GNG12: variants seen among roughly 807,000 people sequenced by gnomAD.
The protein encoded by GNG12 is guanine nucleotide-binding protein G(I)/G(S)/G(O) subunit gamma-12.
For synonymous variants in GNG12, 28 were observed against 29.7 expected (o/e 0.94, Z 0.19); for missense variants, 69 against 83.8 (o/e 0.82, Z 0.69).
At position 67,708,285 on chromosome 1, in the gene GNG12, TA is replaced by T. The variant is rs542666314; in HGVS notation, c.-26-574del. 1.6e-3 allele frequency among the ~76,000 whole-genome samples: 237 copies of T among 152,348 alleles called. 1 individual carries two copies. The highest frequency in any genetic ancestry group is 5.5e-3 in the African/African-American group (228 of 41,586). ...AATCGTTTTGAAAGTGTTAGGCACA[TA>T]AGGAAGTCTTTATTCATGAAAGAGT... On this transcript the variant is annotated intron_variant, in intron 2 of 3. Coordinates refer to ENST00000370982, the MANE Select transcript of GNG12 (RefSeq NM_018841.6).
intron 2 of GNG12, among the ~76,000 whole-genome samples, chr1:67,721,230 T>C (rs566646631): frequency 2.0e-5 from 3 of 152,234 alleles, no homozygotes; most frequent in South Asian, 2.1e-4. Context: ...CTTAAGAATA[T>C]ATCCAGGACA....
intron 1 of GNG12, among the ~76,000 whole-genome samples, chr1:67,810,978 C>A (rs1938440): frequency 0.1 from 15,606 of 152,040 alleles, 1,632 homozygotes; most frequent in African/African-American, 0.27. Flanking sequence ...TGGTTCGACC[C>A]CCTGGACCGG....
At chr1:67,747,410 G>T (rs940521215) in intron 2 of GNG12, among the ~76,000 whole-genome samples, 1 of 152,162 alleles carries the variant, frequency 6.6e-6, no homozygotes, top group Non-Finnish European at 1.5e-5. Flanking sequence ...GTGAGCCACC[G>T]CGCCTAGCCC....
intron 2 of GNG12, among the ~76,000 whole-genome samples, chr1:67,714,897 C>T (rs1646316302): frequency 6.6e-6 from 1 of 152,058 alleles, no homozygotes; most frequent in Non-Finnish European, 1.5e-5. Context: ...CATGTGAACG[C>T]AGAGGGAGAA....
At chr1:67,756,442 A>C (rs1646568573) in intron 2 of GNG12, among the ~76,000 whole-genome samples, 1 of 152,234 alleles carries the variant, frequency 6.6e-6, no homozygotes, top group Non-Finnish European at 1.5e-5. Flanking sequence ...GAAACAGGTT[A>C]ATGACAAATA....
At chr1:67,817,488 A>G (rs12239301) in intron 1 of GNG12, among the ~76,000 whole-genome samples, 15,053 of 152,186 alleles carry the variant, frequency 0.099, 891 homozygotes, top group African/African-American at 0.11. Context: ...CCTGGATCAT[A>G]ATCTTTCCAC....
chr1:67,810,492 C>CT (rs1646918711), intron 1 of GNG12, among the ~76,000 whole-genome samples: 1 of 152,128 alleles, frequency 6.6e-6, no homozygotes, highest in Non-Finnish European at 1.5e-5. Flanking sequence ...GTGGAGGAGG[C>CT]TATGCATAGG....
chr1:67,762,926 G>T (rs181353058), intron 2 of GNG12, among the ~76,000 whole-genome samples: 1 of 152,014 alleles, frequency 6.6e-6, no homozygotes. Context: ...ATTTTGCTCC[G>T]TTCTAGCAAA....
At chr1:67,801,560 G>T (rs17474410) in intron 1 of GNG12, among the ~76,000 whole-genome samples, 6,455 of 152,252 alleles carry the variant, frequency 0.042, 142 homozygotes, top group Admixed American at 0.084. Context: ...ACGGTAACAT[G>T]AGTACATTCG....
intron 2 of GNG12, among the ~76,000 whole-genome samples, chr1:67,762,671 ATC>A (rs1159792891): frequency 6.6e-5 from 10 of 152,150 alleles, no homozygotes; most frequent in African/African-American, 2.4e-4. Context: ...ATTAGCGTTT[ATC>A]TCTTTTTAAA....
intron 2 of GNG12, among the ~76,000 whole-genome samples, chr1:67,734,168 C>T (rs997493595): frequency 6.6e-6 from 1 of 151,758 alleles, no homozygotes; most frequent in Non-Finnish European, 1.5e-5. Flanking sequence ...GACTCAAGGG[C>T]AGGGCAGAGA....
chr1:67,815,720 G>A (rs567168411), intron 1 of GNG12, among the ~76,000 whole-genome samples: 248 of 152,216 alleles, frequency 1.6e-3, no homozygotes, highest in Non-Finnish European at 3.0e-3. Context: ...TATGTGCTGC[G>A]GGGAGGGGCT....
chr1:67,797,358 T>C (rs1423293493), intron 1 of GNG12, among the ~76,000 whole-genome samples: 1 of 152,168 alleles, frequency 6.6e-6, no homozygotes, highest in Non-Finnish European at 1.5e-5. Flanking sequence ...CCCCTGCCCT[T>C]TGTATGTCAA....
chr1:67,797,949 CTT>C (rs909090771), intron 1 of GNG12, among the ~76,000 whole-genome samples: 3 of 152,284 alleles, frequency 2.0e-5, no homozygotes, highest in Admixed American at 2.0e-4. Flanking sequence ...AAACCAGCCT[CTT>C]TGGCTCAAAT....
At chr1:67,719,090 C>T (rs1646342726) in intron 2 of GNG12, among the ~76,000 whole-genome samples, 1 of 152,096 alleles carries the variant, frequency 6.6e-6, no homozygotes, top group Admixed American at 6.6e-5. Flanking sequence ...CAGGCTGATT[C>T]CAGAGGCCCG....
chr1:67,780,751 G>A (rs1297591302), intron 1 of GNG12, among the ~76,000 whole-genome samples: 1 of 152,210 alleles, frequency 6.6e-6, no homozygotes, highest in African/African-American at 2.4e-5. Context: ...ACCAGAGGGA[G>A]AAGAAGCAAC....
chr1:67,766,929 C>G (rs1258590834), intron 2 of GNG12, among the ~76,000 whole-genome samples: 1 of 152,182 alleles, frequency 6.6e-6, no homozygotes, highest in East Asian at 1.9e-4. Context: ...CAGGCAATGC[C>G]TATTCCCAAG....
chr1:67,766,524 C>T (rs527761865), intron 2 of GNG12, among the ~76,000 whole-genome samples: 147 of 151,982 alleles, frequency 9.7e-4, no homozygotes, highest in Non-Finnish European at 1.7e-3. Flanking sequence ...CCCTGAAGGC[C>T]GGCCAGCTCA....
At chr1:67,777,715 G>A (rs973587595) in intron 1 of GNG12, among the ~76,000 whole-genome samples, 3 of 152,108 alleles carry the variant, frequency 2.0e-5, no homozygotes, top group Admixed American at 6.6e-5. Flanking sequence ...CATCTACTTT[G>A]GGGAGTGTTC....
Sources: gnomAD v4.1 joint callset for allele counts (sites outside exome capture counted in the v4.1 genomes callset) on GRCh38, gnomAD v4.1.1 for gene constraint, MANE v1.5 for transcripts, NCBI Gene and HGNC (gene_info 2026-07-23, HGNC 2026-07-21) for gene names.